Variants in C12orf54 observed in about 807,000 individuals in gnomAD.
C12orf54 encodes chromosome 12 open reading frame 54, also known as uncharacterized protein C12orf54.
In C12orf54, 24 loss-of-function variants were observed where a neutral mutation model predicts 26.4. That is an observed-to-expected ratio of 0.91 (90% CI 0.66 to 1.28). The LOEUF is 1.28. Among genes scored for constraint, C12orf54 ranks in the 50% most tolerant of loss-of-function variants. The pLI is 0.00. For synonymous variants in C12orf54, 54 were observed against 47.0 expected (o/e 1.15, Z -0.61); for missense variants, 154 against 150.9 (o/e 1.02, Z -0.11).
At chr12:48,472,708 C>A in the C12orf54 span, 4 of 1,614,112 alleles carry the variant, frequency 2.5e-6, no homozygotes, top group East Asian at 6.7e-5. Context: ...CGGAACAGGA[C>A]GCCCTCCGAT....
chr12:48,418,343 A>G, the C12orf54 span, among the ~76,000 whole-genome samples: 8 of 152,192 alleles, frequency 5.3e-5, no homozygotes, highest in South Asian at 2.1e-4. Flanking sequence ...AGGGAGGCTA[A>G]TGTTGGCTTG....
upstream of C12orf54, among the ~76,000 whole-genome samples, chr12:48,478,232 T>C (rs1439107682): frequency 2.0e-5 from 3 of 152,168 alleles, no homozygotes; most frequent in Admixed American, 6.5e-5. Flanking sequence ...AAATTAGGTA[T>C]TGATGGAACT....
the C12orf54 span, among the ~76,000 whole-genome samples, chr12:48,423,468 CCAGATG>C: frequency 6.6e-6 from 1 of 151,846 alleles, no homozygotes; most frequent in African/African-American, 2.4e-5. Context: ...GGAGTGTAAA[CCAGATG>C]GTTCGCAAAA....
the C12orf54 span, among the ~76,000 whole-genome samples, chr12:48,438,936 A>G: frequency 6.6e-6 from 1 of 152,134 alleles, no homozygotes; most frequent in Admixed American, 6.5e-5. Flanking sequence ...GCTTCTGCAC[A>G]GCAAAAGAAA....
At chr12:48,451,731 C>T in the C12orf54 span, among the ~76,000 whole-genome samples, 1 of 152,090 alleles carries the variant, frequency 6.6e-6, no homozygotes, top group Non-Finnish European at 1.5e-5. Flanking sequence ...CAATGAACTC[C>T]CATTCACAAT....
chr12:48,462,969 G>C, the C12orf54 span, among the ~76,000 whole-genome samples: 1 of 151,764 alleles, frequency 6.6e-6, no homozygotes, highest in Non-Finnish European at 1.5e-5. Flanking sequence ...CTTATTCATA[G>C]ACAACATGAT....
chr12:48,469,194 G>T, the C12orf54 span, among the ~76,000 whole-genome samples: 7 of 152,160 alleles, frequency 4.6e-5, no homozygotes, highest in African/African-American at 1.7e-4. Context: ...AATTCGCCAG[G>T]CTGGAATTTC....
At chr12:48,417,396 T>C in the C12orf54 span, 1 of 152,192 alleles carries the variant, frequency 6.6e-6, no homozygotes. Context: ...ATTTTCTGCT[T>C]CCCTATTTCC....
the C12orf54 span, among the ~76,000 whole-genome samples, chr12:48,448,452 C>A: frequency 6.6e-6 from 1 of 152,118 alleles, no homozygotes; most frequent in African/African-American, 2.4e-5. Context: ...ATAATTCATT[C>A]ATTTAATTGT....
chr12:48,413,838 A>G, the C12orf54 span, among the ~76,000 whole-genome samples: 4 of 152,108 alleles, frequency 2.6e-5, no homozygotes, highest in Non-Finnish European at 4.4e-5. Context: ...ACTAAATGAC[A>G]TCTCAAATTA....
chr12:48,417,323 T>A, the C12orf54 span: 1 of 152,220 alleles, frequency 6.6e-6, no homozygotes, highest in Non-Finnish European at 1.5e-5. Context: ...GAGATAATGC[T>A]GTGGTTCCTC....
At chr12:48,488,879 G>C (rs201188992) in intron 4 of C12orf54, 45 bp from the exon 5 acceptor site, 2 of 1,479,756 alleles carry the variant, frequency 1.4e-6, no homozygotes, top group East Asian at 4.5e-5. Context: ...GTAATAAAGT[G>C]ATCATCTACA....
the C12orf54 span, among the ~76,000 whole-genome samples, chr12:48,416,484 A>C: frequency 6.6e-6 from 1 of 152,150 alleles, no homozygotes; most frequent in Non-Finnish European, 1.5e-5. Flanking sequence ...TGGCTCAAAC[A>C]ACACCTACCC....
the C12orf54 span, among the ~76,000 whole-genome samples, chr12:48,428,816 A>T: frequency 6.6e-6 from 1 of 152,046 alleles, no homozygotes; most frequent in Non-Finnish European, 1.5e-5. Flanking sequence ...AATTCATTCT[A>T]TGAAGCCAGC....
the C12orf54 span, among the ~76,000 whole-genome samples, chr12:48,431,455 A>C: frequency 6.6e-6 from 1 of 152,184 alleles, no homozygotes; most frequent in Non-Finnish European, 1.5e-5. Context: ...ATATTTAAAA[A>C]TTATAAGAGA....
At chr12:48,459,573 C>T in the C12orf54 span, among the ~76,000 whole-genome samples, 64 of 152,072 alleles carry the variant, frequency 4.2e-4, no homozygotes, top group African/African-American at 1.5e-3. Context: ...TAGAACTTTC[C>T]GATTTTCGGT....
the C12orf54 span, among the ~76,000 whole-genome samples, chr12:48,423,328 A>G: frequency 6.6e-6 from 1 of 152,128 alleles, no homozygotes; most frequent in Non-Finnish European, 1.5e-5. Flanking sequence ...TAGAGAAATA[A>G]TAGAGCTGGA....
intron 4 of C12orf54, chr12:48,488,515 G>A (rs1253888933): frequency 1.1e-5 from 4 of 376,882 alleles, no homozygotes; most frequent in African/African-American, 8.6e-5. Context: ...AAAAGAAAGT[G>A]CCGGAACTTT....
chr12:48,445,078 G>A, the C12orf54 span, among the ~76,000 whole-genome samples: 6 of 152,292 alleles, frequency 3.9e-5, no homozygotes, highest in East Asian at 7.8e-4. Flanking sequence ...GGCTGAGGCA[G>A]GAGAATGGCG....
Sources: gnomAD v4.1 joint callset for allele counts (sites outside exome capture counted in the v4.1 genomes callset) on GRCh38, gnomAD v4.1.1 for gene constraint, MANE v1.5 for transcripts, NCBI Gene and HGNC (gene_info 2026-07-23, HGNC 2026-07-21) for gene names.